The following C12orf56 variants were observed in gnomAD, a reference collection of about 807,000 sequenced individuals.
The protein encoded by C12orf56 is chromosome 12 open reading frame 56.
A neutral mutation model predicts 69.9 loss-of-function variants in C12orf56; 71 were observed. The ratio of observed to expected loss-of-function variants is 1.02; its 90% CI spans 0.84 to 1.24. C12orf56 has a LOEUF of 1.24. Ranked by LOEUF, C12orf56 falls within the 50% of genes most tolerant of loss-of-function variation. C12orf56 has a pLI of 0.00. For synonymous variants in C12orf56, 276 were observed against 274.1 expected (o/e 1.01, Z -0.07); for missense variants, 732 against 738.5 (o/e 0.99, Z 0.10).
chr12:64,355,108 G>A lies in C12orf56; in HGVS notation c.253-2052C>T, dbSNP rs565931866. Among the ~76,000 whole-genome samples the A allele has an allele frequency of 1.9e-3, 286 of 148,548 alleles. 2 individuals are homozygous for A. Among genetic ancestry groups the A allele is most frequent in the Middle Eastern group, 0.011 (3 of 276 alleles). Reference sequence around the variant, plus strand: ...AAAAAAAAAAAAAAAAAAAAGAGGTGCAGGTCAGGCAGAATTCCTGTATAA... The same window carrying A: ...AAAAAAAAAAAAAAAAAAAAGAGGTACAGGTCAGGCAGAATTCCTGTATAA... On this transcript the variant is annotated intron_variant, in intron 1 of 12. Transcript: ENST00000543942.
rs1240496791 is a variant in C12orf56, at chr12:64,265,755, A to T, written c.*1428T>A. ...CTCTGATCCTCCCTCAAGTCATAAT[A>T]AGTTGAATGGAGAGTCCAGTTCCTA... On this transcript the variant is annotated 3_prime_UTR_variant, in exon 13 of 13. Transcript: ENST00000543942. 6.6e-6 allele frequency: 1 copy of T among 152,256 alleles called. No individual in the cohort carries two copies. The allele number at this position is 152,256 out of a possible 1,614,324, so 9.4% of individuals were successfully genotyped here. A position where few individuals can be genotyped will look rare whatever the true frequency, so the allele number is the denominator to read the frequency against.
rs536427276 is a variant in C12orf56 at position 64,390,709 on chromosome 12, T to A, written c.-144A>T. The A allele has an allele frequency of 1.4e-4, 172 of 1,195,786 alleles. No homozygotes were observed. The highest frequency in any genetic ancestry group is 1.1e-3 in the South Asian group (55 of 52,368). 74.1% of individuals were successfully genotyped at this position (1,195,786 alleles called of 1,614,324 possible). A position where few individuals can be genotyped will look rare whatever the true frequency, so the allele number is the denominator to read the frequency against. On this transcript the variant is annotated 5_prime_UTR_variant, in exon 1 of 13. Coordinates refer to ENST00000543942, the MANE Select transcript of C12orf56 (RefSeq NM_001170633.2). Reference sequence around the variant, plus strand: ...CAGGCGCGGGGACCCGGGCCGCAACTGCAGGAATCGACGCTAGGTCGGCTT... The same window carrying A: ...CAGGCGCGGGGACCCGGGCCGCAACAGCAGGAATCGACGCTAGGTCGGCTT...
At chr12:64,336,704 C>T (rs538992781) in intron 2 of C12orf56, among the ~76,000 whole-genome samples, 1 of 152,282 alleles carries the variant, frequency 6.6e-6, no homozygotes, top group Non-Finnish European at 1.5e-5. Flanking sequence ...ACAGTTTTCT[C>T]ACACATTGTA....
At chr12:64,323,936 A>T (rs140166342) in intron 3 of C12orf56, among the ~76,000 whole-genome samples, 35 of 152,232 alleles carry the variant, frequency 2.3e-4, no homozygotes, top group African/African-American at 7.7e-4. Flanking sequence ...GAGCATGTGG[A>T]TGCCTATTCC....
At position 64,312,701 on chromosome 12, in the gene C12orf56, T is replaced by C. The variant is rs2136825356; in HGVS notation, c.946A>G (p.Ile316Val). 2 of 1,536,280 alleles carry C rather than the reference T, an allele frequency of 1.3e-6. No homozygotes were observed. Among genetic ancestry groups the C allele is most frequent in the East Asian group, 2.4e-5 (1 of 40,904 alleles). The stretch of plus-strand genomic sequence containing the variant: ...TACCTATATGGCTTTTGACTTCCAA[T>C]AGCAGGACTGAACTCACTAGCATAG... ...PFYASEFSPAIGSQKPYRSEE... is the reference protein window; with the variant it reads ...PFYASEFSPAVGSQKPYRSEE... Residue 316 changes from isoleucine (I) to valine (V), a missense_variant, in exon 5 of 13, where the codon ATT (isoleucine) becomes GTT (valine). Ile to Val is a conservative substitution (Grantham distance 29). Coordinates refer to ENST00000543942, the MANE Select transcript of C12orf56 (RefSeq NM_001170633.2).
chr12:64,327,115 C>T (rs1338311064), intron 3 of C12orf56, among the ~76,000 whole-genome samples: 2 of 152,220 alleles, frequency 1.3e-5, no homozygotes, highest in African/African-American at 4.8e-5. Context: ...TGAGTGTCCC[C>T]ACCAGCAAGA....
rs1290028670 is a variant in C12orf56, at chr12:64,338,415, C to G, written c.416-7383G>C. On this transcript the variant is annotated intron_variant, in intron 2 of 12. Transcript: ENST00000543942. ...ACATCAACATCGTTTTTGGTGGCAACTTTGTACATAGGGATTTCCTTTTGC... is the reference window on the plus strand; with the variant it reads ...ACATCAACATCGTTTTTGGTGGCAAGTTTGTACATAGGGATTTCCTTTTGC... 12 of 752,572 alleles carry G rather than the reference C, an allele frequency of 1.6e-5. 1 individual carries two copies. Among genetic ancestry groups the G allele is most frequent in the South Asian group, 4.0e-5 (3 of 74,400 alleles). The allele number at this position is 752,572 out of a possible 1,614,324, so 46.6% of individuals were successfully genotyped here. A position where few individuals can be genotyped will look rare whatever the true frequency, so the allele number is the denominator to read the frequency against.
chr12:64,270,292 T>G (rs1309017695), intron 12 of C12orf56, among the ~76,000 whole-genome samples: 3 of 151,824 alleles, frequency 2.0e-5, no homozygotes, highest in African/African-American at 7.3e-5. Flanking sequence ...TCCCAACTAC[T>G]CAGGAGGCTG....
chr12:64,348,742 A>C (rs1384736733), intron 2 of C12orf56, among the ~76,000 whole-genome samples: 1 of 152,230 alleles, frequency 6.6e-6, no homozygotes, highest in Non-Finnish European at 1.5e-5. Context: ...ATGTCTGAGT[A>C]TAGGCTATCA....
chr12:64,387,579 T>G (rs1028115855), intron 1 of C12orf56, among the ~76,000 whole-genome samples: 8 of 151,894 alleles, frequency 5.3e-5, no homozygotes, highest in African/African-American at 1.9e-4. Flanking sequence ...TGCCAACACT[T>G]TGGGAGGCCA....
At chr12:64,381,178 A>G (rs2039715597) in intron 1 of C12orf56, among the ~76,000 whole-genome samples, 1 of 151,984 alleles carries the variant, frequency 6.6e-6, no homozygotes, top group Admixed American at 6.6e-5. Flanking sequence ...GTCAGAGATG[A>G]AATCATAGGG....
At chr12:64,349,914 A>G (rs998648314) in intron 2 of C12orf56, among the ~76,000 whole-genome samples, 10 of 152,152 alleles carry the variant, frequency 6.6e-5, no homozygotes, top group African/African-American at 2.4e-4. Context: ...CAACATGGTG[A>G]AACCCTGTCT....
intron 2 of C12orf56, among the ~76,000 whole-genome samples, chr12:64,345,880 G>A (rs897586296): frequency 2.0e-5 from 3 of 152,146 alleles, no homozygotes; most frequent in Non-Finnish European, 2.9e-5. Context: ...AATCAAGAAT[G>A]TCAAATGCAT....
At chr12:64,379,446 G>A (rs891847868) in intron 1 of C12orf56, among the ~76,000 whole-genome samples, 7 of 151,798 alleles carry the variant, frequency 4.6e-5, no homozygotes, top group Admixed American at 3.9e-4. Flanking sequence ...CACCATGCCC[G>A]GCTATTTTTT....
At chr12:64,297,503 A>G (rs1029210499) in intron 6 of C12orf56, among the ~76,000 whole-genome samples, 1 of 152,004 alleles carries the variant, frequency 6.6e-6, no homozygotes, top group Non-Finnish European at 1.5e-5. Context: ...CAGCCACATT[A>G]GGTATTTCTT....
intron 1 of C12orf56, among the ~76,000 whole-genome samples, chr12:64,366,364 TTATA>T (rs530291256): frequency 1.8e-5 from 1 of 56,426 alleles, no homozygotes; most frequent in South Asian, 5.1e-4. Context: ...TATATACAGT[TTATA>T]TATATTATAT....
intron 2 of C12orf56, chr12:64,338,148 G>C: frequency 5.4e-6 from 3 of 553,832 alleles, no homozygotes; most frequent in South Asian, 4.4e-5. Context: ...GGAGAGCTGA[G>C]GACGAGCTCC....
intron 8 of C12orf56, among the ~76,000 whole-genome samples, chr12:64,283,453 C>T (rs1221805932): frequency 6.6e-6 from 1 of 152,204 alleles, no homozygotes; most frequent in African/African-American, 2.4e-5. Flanking sequence ...TTCCATTCTT[C>T]CTTTTAATAA....
At chr12:64,352,683 A>G (rs1281402290) in intron 2 of C12orf56, among the ~76,000 whole-genome samples, 5 of 152,162 alleles carry the variant, frequency 3.3e-5, no homozygotes, top group East Asian at 3.8e-4. Flanking sequence ...CCAGTTGGCC[A>G]GACCCCTTTT....
Sources: gnomAD v4.1 joint callset for allele counts (sites outside exome capture counted in the v4.1 genomes callset) on GRCh38, gnomAD v4.1.1 for gene constraint, MANE v1.5 for transcripts, NCBI Gene and HGNC (gene_info 2026-07-23, HGNC 2026-07-21) for gene names.